The following PDS5A variants were observed in gnomAD, a reference collection of about 807,000 sequenced individuals.
PDS5A encodes the protein PDS5 cohesin associated factor A.
Under a neutral mutation model 167.1 loss-of-function variants are expected in PDS5A, and 42 were observed. That is an observed-to-expected ratio of 0.25 (90% confidence interval 0.20 to 0.33). The LOEUF is 0.33. Ranked by LOEUF, PDS5A falls within the 10% of genes least tolerant of loss-of-function variation. The pLI, the probability that PDS5A is intolerant of heterozygous loss-of-function variation, is 1.00. For missense variants in PDS5A, 1,033 were observed against 1,605.9 expected (o/e 0.64, Z 6.10); for synonymous variants, 553 against 554.6 (o/e 1.00, Z 0.04).
chr4:39,864,903 TC>T (rs1232608494), intron 23 of PDS5A, among the ~76,000 whole-genome samples: 1 of 152,220 alleles, frequency 6.6e-6, no homozygotes, highest in Non-Finnish European at 1.5e-5. Flanking sequence ...GGTTAACCAT[TC>T]CCCTATTTTT....
intron 2 of PDS5A, among the ~76,000 whole-genome samples, chr4:39,938,015 A>G (rs960438859): frequency 6.6e-6 from 1 of 152,214 alleles, no homozygotes; most frequent in Admixed American, 6.5e-5. Flanking sequence ...TACCAATCAC[A>G]CAGAATTGTG....
At chr4:39,969,385 T>TAGCCAACG (rs1730287827) in intron 2 of PDS5A, among the ~76,000 whole-genome samples, 1 of 152,094 alleles carries the variant, frequency 6.6e-6, no homozygotes, top group African/African-American at 2.4e-5. Flanking sequence ...TGAAAAGTCC[T>TAGCCAACG]AGCCAGGCAG....
At chr4:39,968,403 T>C (rs1455373179) in intron 2 of PDS5A, among the ~76,000 whole-genome samples, 1 of 150,276 alleles carries the variant, frequency 6.7e-6, no homozygotes, top group Non-Finnish European at 1.5e-5. Context: ...TGGAGTGCAA[T>C]GGTGCTTAGA....
At chr4:39,951,980 T>TA (rs1728447524) in intron 2 of PDS5A, among the ~76,000 whole-genome samples, 1 of 150,558 alleles carries the variant, frequency 6.6e-6, no homozygotes, top group South Asian at 2.1e-4. Flanking sequence ...AAGCATCAAT[T>TA]ACTAGTTTTA....
chr4:39,958,767 CCT>C (rs1042577982), intron 2 of PDS5A, among the ~76,000 whole-genome samples: 2 of 152,006 alleles, frequency 1.3e-5, no homozygotes, highest in Admixed American at 6.6e-5. Flanking sequence ...CATCACCACC[CCT>C]GACTAATTTT....
intron 26 of PDS5A, 36 bp from the exon 27 acceptor site, chr4:39,849,688 T>G: frequency 6.7e-7 from 1 of 1,497,206 alleles, no homozygotes; most frequent in Non-Finnish European, 9.2e-7. Context: ...TAGACGTAGA[T>G]AGATGCTTTA....
chr4:39,947,926 C>T (rs1727929041), intron 2 of PDS5A, among the ~76,000 whole-genome samples: 1 of 152,104 alleles, frequency 6.6e-6, no homozygotes, highest in Non-Finnish European at 1.5e-5. Context: ...GAGGACAAAC[C>T]TTATCCAAAT....
chr4:39,863,162 G>T (rs1198651240), intron 24 of PDS5A, 89 bp from the exon 25 acceptor site: 1 of 1,052,926 alleles, frequency 9.5e-7, no homozygotes, highest in Non-Finnish European at 1.4e-6. Flanking sequence ...CAATTAAAAA[G>T]AAGATAATTA....
chr4:39,916,872 A>C (rs1724441365), intron 8 of PDS5A, among the ~76,000 whole-genome samples, 176 bp downstream of exon 8: 1 of 152,186 alleles, frequency 6.6e-6, no homozygotes, highest in Admixed American at 6.5e-5. Context: ...GTCTCAAAAA[A>C]AGAAAAAAAA....
Position 39,851,368 on chromosome 4 carries a change from C to T in PDS5A, c.3087-1716G>A, listed in dbSNP as rs374532186. On this transcript the variant is annotated intron_variant, in intron 26 of 32. Coordinates refer to ENST00000303538, the MANE Select transcript of PDS5A (RefSeq NM_001100399.2). Reference sequence around the variant, plus strand: ...AGGCTGGAGTGCAGTGGCGTGATCACAGCCCCAGCAACCATGGTGTCCTGG... The same window carrying T: ...AGGCTGGAGTGCAGTGGCGTGATCATAGCCCCAGCAACCATGGTGTCCTGG... Among the ~76,000 whole-genome samples, 13 of 151,778 alleles carry T rather than the reference C, an allele frequency of 8.6e-5. No individual in the cohort carries two copies. The East Asian group carries it at 1.9e-3, about 23-fold the overall frequency.
chr4:39,956,677 C>CTT (rs140722150), intron 2 of PDS5A, among the ~76,000 whole-genome samples: 4 of 145,360 alleles, frequency 2.8e-5, no homozygotes, highest in South Asian at 2.2e-4. Context: ...GATTTTCTTA[C>CTT]TTTTTTTTTT....
At chr4:39,895,009 C>T (rs982299596) in intron 16 of PDS5A, among the ~76,000 whole-genome samples, 1 of 151,814 alleles carries the variant, frequency 6.6e-6, no homozygotes, top group Non-Finnish European at 1.5e-5. Context: ...GGGCGGATCA[C>T]GAGGTCAGGA....
chr4:39,826,250 G>A (rs1715300410), intron 32 of PDS5A, among the ~76,000 whole-genome samples: 3 of 151,406 alleles, frequency 2.0e-5, no homozygotes, highest in Admixed American at 2.0e-4. Flanking sequence ...GGAAGCACAG[G>A]AGAGTGGGAC....
chr4:39,842,757 T>C (rs1354381596), intron 30 of PDS5A, among the ~76,000 whole-genome samples: 3 of 151,606 alleles, frequency 2.0e-5, no homozygotes, highest in Non-Finnish European at 4.4e-5. Flanking sequence ...TATGTACAAT[T>C]ATTATATATC....
chr4:39,872,468 A>G (rs935781915), intron 21 of PDS5A, among the ~76,000 whole-genome samples: 3 of 151,986 alleles, frequency 2.0e-5, no homozygotes, highest in African/African-American at 7.2e-5. Context: ...AGTTCAATAT[A>G]AGCCTGGCCA....
chr4:39,827,166 A>G (rs1715400468), intron 32 of PDS5A, among the ~76,000 whole-genome samples: 1 of 151,762 alleles, frequency 6.6e-6, no homozygotes, highest in Admixed American at 6.6e-5. Context: ...CGCGCAGCTA[A>G]TTTTTGTATT....
chr4:39,895,885 T>A (rs1178247871), intron 16 of PDS5A, among the ~76,000 whole-genome samples: 1 of 124,808 alleles, frequency 8.0e-6, no homozygotes, highest in Admixed American at 7.6e-5. Flanking sequence ...GCTCAGCTAA[T>A]TTTTTTTTTT....
At chr4:39,948,312 C>CTTTT (rs552182165) in intron 2 of PDS5A, among the ~76,000 whole-genome samples, 13 of 80,926 alleles carry the variant, frequency 1.6e-4, no homozygotes, top group African/African-American at 5.2e-4. Flanking sequence ...TGAATCAAAC[C>CTTTT]TTTTTTTTTT....
chr4:39,869,564 T>C (rs1719842363), intron 21 of PDS5A, 102 bp from the exon 22 acceptor site: 2 of 730,358 alleles, frequency 2.7e-6, no homozygotes, highest in South Asian at 3.1e-5. Flanking sequence ...CTGAGAAACC[T>C]ACGGGAACAT....
Sources: gnomAD v4.1 joint callset for allele counts (sites outside exome capture counted in the v4.1 genomes callset) on GRCh38, gnomAD v4.1.1 for gene constraint, MANE v1.5 for transcripts, NCBI Gene and HGNC (gene_info 2026-07-23, HGNC 2026-07-21) for gene names.